Variants in ATAD3B observed in about 807,000 individuals in gnomAD.
ATAD3B encodes the protein ATPase family AAA domain containing 3B.
In ATAD3B, 59 loss-of-function variants were observed where a neutral mutation model predicts 70.2. That is an observed-to-expected ratio of 0.84 (90% confidence interval 0.68 to 1.04). The LOEUF (loss-of-function observed/expected upper bound fraction) is 1.04. Ranked by LOEUF, ATAD3B falls within the 50% of genes least tolerant of loss-of-function variation. The probability of loss-of-function intolerance (pLI) is 0.00; values close to 1 mark genes in which losing one functional copy is unlikely to be tolerated. For missense variants in ATAD3B, 961 were observed against 913.4 expected, an observed-to-expected ratio of 1.05 and a Z score of -0.67; for synonymous variants, 423 against 388.6, an observed-to-expected ratio of 1.09 and a Z score of -1.04.
rs1402606277 is a variant in ATAD3B, at chr1:1,491,121, GGGAC to G, written c.1614+451_1614+454del. Among the ~76,000 whole-genome samples the G allele has an allele frequency of 9.6e-3, 1,463 of 152,090 alleles. 14 individuals are homozygous for G. Among genetic ancestry groups the G allele is most frequent in the African/African-American group, 0.033 (1,389 of 41,520 alleles). ...TGTTTGACGGGTTCAGACACACGGT[GGGAC>G]TGGCCTCCGATTGTCCCACAGTTAG... is the stretch of plus-strand genomic sequence containing the variant. On this transcript the variant is annotated intron_variant, in intron 15 of 15. Transcript: ENST00000673477.
At chr1:1,489,796 TG>T in intron 13 of ATAD3B, 1 of 1,285,962 alleles carries the variant, frequency 7.8e-7, no homozygotes, top group South Asian at 1.3e-5. Context: ...CGACGCTCCC[TG>T]GAGCCCTGAC....
chr1:1,475,568 G>A lies in ATAD3B; in HGVS notation c.206-1706G>A, dbSNP rs548090991. On this transcript the variant is annotated intron_variant, in intron 1 of 15. Coordinates refer to ENST00000673477, the MANE Select transcript of ATAD3B (RefSeq NM_031921.6). Reference sequence around the variant, plus strand: ...TGAGGCTATAGCCCCATGCCGCCTCGTTCCCAGAGTCTGCCCTGACCCCTC... The same window carrying A: ...TGAGGCTATAGCCCCATGCCGCCTCATTCCCAGAGTCTGCCCTGACCCCTC... Among the ~76,000 whole-genome samples, 14 of 152,002 alleles carry A rather than the reference G, an allele frequency of 9.2e-5. No individual in the cohort carries two copies. The East Asian group carries it at 2.5e-3, about 27-fold the overall frequency.
At chr1:1,486,474 G>A in intron 10 of ATAD3B, 70 bp from the exon 11 acceptor site, 14 of 1,611,082 alleles carry the variant, frequency 8.7e-6, no homozygotes, top group East Asian at 2.2e-5. Flanking sequence ...CCACACTCCA[G>A]GTGGAGTGTG....
At position 1,496,921 on chromosome 1, in the gene ATAD3B, G is replaced by C. The variant is rs1233565233; in HGVS notation, c.*1104G>C. ...GAGGACTCTCAGACAGGAAACCTTT[G>C]CTTTGGGGGCAGGGTGGGGTGCAGG... On this transcript the variant is annotated 3_prime_UTR_variant, in exon 16 of 16. Transcript: ENST00000673477. The C allele has an allele frequency of 1.7e-4, 25 of 142,998 alleles. No individual in the cohort carries two copies. Among genetic ancestry groups the C allele is most frequent in the African/African-American group, 6.9e-4 (24 of 34,580 alleles). 8.9% of individuals were successfully genotyped at this position (142,998 alleles called of 1,614,324 possible). A position where few individuals can be genotyped will look rare whatever the true frequency, so the allele number is the denominator to read the frequency against.
At chr1:1,494,357 G>C (rs1215152549) in intron 15 of ATAD3B, among the ~76,000 whole-genome samples, 1 of 151,886 alleles carries the variant, frequency 6.6e-6, no homozygotes, top group Admixed American at 6.6e-5. Context: ...CCCTGCACCT[G>C]TTTGCCCTCT....
intron 1 of ATAD3B, among the ~76,000 whole-genome samples, chr1:1,475,276 C>G (rs1192805237): frequency 1.3e-5 from 2 of 151,162 alleles, no homozygotes; most frequent in South Asian, 2.1e-4. Flanking sequence ...TGGGCTCTTT[C>G]ATTTTGATCC....
At position 1,486,604 on chromosome 1, in the gene ATAD3B, A is replaced by G. The variant is rs776865693; in HGVS notation, c.1150A>G (p.Met384Val). The G allele has an allele frequency of 1.9e-6, 3 of 1,611,148 alleles. No homozygotes were observed. Among genetic ancestry groups the G allele is most frequent in the Non-Finnish European group, 2.5e-6 (3 of 1,179,260 alleles). ...AIMTGGDVAP[M>V]GREGVTAMHK... ...CATGACAGGCGGGGACGTGGCCCCC[A>G]TGGGGCGGGAAGGCGTGACCGCCAT... Residue 384 changes from methionine to valine, a missense_variant, in exon 11 of 16, where the codon ATG becomes GTG. Met to Val is a conservative substitution (Grantham distance 21). This residue lies in a region of ATAD3B where 349 missense variants were observed against 307.5 expected (regional missense o/e 1.14). Transcript: ENST00000673477.
rs1487376040 is a variant in ATAD3B at position 1,495,491 on chromosome 1, G to T, written c.1621G>T (p.Ala541Ser). ...CTCCCTCTCTCTTCACTAGGCCACG[G>T]CATATGCCTCCAAGGACGGGGTCCT... is the stretch of plus-strand genomic sequence containing the variant. ...AQLAVSWQAT[A>S]YASKDGVLTE... Residue 541 changes from alanine (A) to serine (S), a missense_variant, in exon 16 of 16, where the codon GCA (alanine) becomes TCA (serine). Coordinates refer to ENST00000673477, the MANE Select transcript of ATAD3B (RefSeq NM_031921.6). 1.2e-6 allele frequency: 2 copies of T among 1,605,924 alleles called. No individual in the cohort carries two copies. The highest frequency in any genetic ancestry group is 1.7e-4 in the Middle Eastern group (1 of 6,018).
chr1:1,496,030 G>C lies in ATAD3B; in HGVS notation c.*213G>C. 1.5e-6 allele frequency: 2 copies of C among 1,336,394 alleles called. No homozygotes were observed. Among genetic ancestry groups the C allele is most frequent in the Non-Finnish European group, 1.9e-6 (2 of 1,044,366 alleles). 82.8% of individuals were successfully genotyped at this position (1,336,394 alleles called of 1,614,324 possible). A position where few individuals can be genotyped will look rare whatever the true frequency, so the allele number is the denominator to read the frequency against. On this transcript the variant is annotated 3_prime_UTR_variant, in exon 16 of 16. Coordinates refer to ENST00000673477, the MANE Select transcript of ATAD3B (RefSeq NM_031921.6). ...GGCTCCCACAGCAGAGCCAGGTGAG[G>C]GGGGGCCTGCCAGGACTAGACAGAA...
At position 1,485,170 on chromosome 1, in the gene ATAD3B, A is replaced by G; in HGVS notation, c.905A>G (p.Gln302Arg). ...TVLEALRHPI[Q>R]VSRRLLSRPQ... ...CTGGAGGCGCTGCGGCACCCCATCC[A>G]GGTAGCGGCGCAGGCCTGGCCCTCC... The change falls in exon 8 of 16, where the codon CAG (glutamine) becomes CGG (arginine). Residue 302 changes from glutamine (Q) to arginine (R), a missense_variant and splice_region_variant. By Grantham distance (43) the Gln-to-Arg change is conservative. Coordinates refer to ENST00000673477, the MANE Select transcript of ATAD3B (RefSeq NM_031921.6). 2 of 1,610,014 alleles carry G rather than the reference A, an allele frequency of 1.2e-6. No individual in the cohort carries two copies. Among genetic ancestry groups the G allele is most frequent in the African/African-American group, 1.3e-5 (1 of 74,946 alleles).
chr1:1,505,220 G>T, the ATAD3B span, among the ~76,000 whole-genome samples: 1 of 152,100 alleles, frequency 6.6e-6, no homozygotes, highest in Non-Finnish European at 1.5e-5. Flanking sequence ...CGTGTCCACT[G>T]GACGGGGGCC....
At chr1:1,483,150 AG>A (rs1170923953) in intron 7 of ATAD3B, 2 of 404,708 alleles carry the variant, frequency 4.9e-6, no homozygotes, top group African/African-American at 2.1e-5. Flanking sequence ...AAAAAAGAAA[AG>A]AATTAGCTGG....
intron 10 of ATAD3B, 127 bp from the exon 11 acceptor site, chr1:1,486,417 C>T (rs1338233576): frequency 8.8e-6 from 14 of 1,599,844 alleles, no homozygotes; most frequent in Admixed American, 6.9e-5. Flanking sequence ...GGGACGTCTC[C>T]TGTCTGGCAG....
At chr1:1,500,619 G>A (rs1640922379), downstream of ATAD3B, among the ~76,000 whole-genome samples, 1 of 149,524 alleles carries the variant, frequency 6.7e-6, no homozygotes, top group Non-Finnish European at 1.5e-5. Flanking sequence ...ATATATATAT[G>A]TATAAATGTA....
In ATAD3B at chr1:1,488,935, G is replaced by C. The variant is rs112930365; in HGVS notation, c.1267-269G>C. ...GTGCCACCATGCATGGCTAATTTTT[G>C]TATTTCTAGTACAGATGGGGTCTCA... On this transcript the variant is annotated intron_variant, in intron 12 of 15. Coordinates refer to ENST00000673477, the MANE Select transcript of ATAD3B (RefSeq NM_031921.6). Among the ~76,000 whole-genome samples, 634 of 151,886 alleles carry C rather than the reference G, an allele frequency of 4.2e-3. 4 individuals are homozygous for C. Among genetic ancestry groups the C allele is most frequent in the African/African-American group, 0.015 (606 of 41,472 alleles).
downstream of ATAD3B, among the ~76,000 whole-genome samples, chr1:1,502,648 A>G (rs1640970478): frequency 6.7e-6 from 1 of 150,176 alleles, no homozygotes; most frequent in South Asian, 2.1e-4. Flanking sequence ...AGTAGCTGGG[A>G]CTACAGGCAC....
rs1486655653 is a variant in ATAD3B at position 1,480,187 on chromosome 1, C to T, written c.445-680C>T. On this transcript the variant is annotated intron_variant, in intron 4 of 15. Coordinates refer to ENST00000673477, the MANE Select transcript of ATAD3B (RefSeq NM_031921.6). Reference sequence around the variant, plus strand: ...CGCACCTGCACACGAGGGCACACCCCCACCCCCCACCCCCACACACCCCCG... The same window carrying T: ...CGCACCTGCACACGAGGGCACACCCTCACCCCCCACCCCCACACACCCCCG... Among the ~76,000 whole-genome samples, 2 of 118,050 alleles carry T rather than the reference C, an allele frequency of 1.7e-5. 1 individual carries two copies. Among genetic ancestry groups the T allele is most frequent in the African/African-American group, 6.6e-5 (2 of 30,178 alleles). 77.4% of individuals were successfully genotyped at this position (118,050 alleles called of 152,430 possible). A position where few individuals can be genotyped will look rare whatever the true frequency, so the allele number is the denominator to read the frequency against.
At chr1:1,484,416 C>T (rs1436095988) in intron 7 of ATAD3B, 3 of 152,428 alleles carry the variant, frequency 2.0e-5, no homozygotes, top group Non-Finnish European at 2.9e-5. Flanking sequence ...CTCCTGACCT[C>T]GTGATCCGCC....
chr1:1,493,202 G>GTGAT (rs753701413), intron 15 of ATAD3B, among the ~76,000 whole-genome samples: 1 of 151,946 alleles, frequency 6.6e-6, no homozygotes, highest in Non-Finnish European at 1.5e-5. Flanking sequence ...CTGAGAACAG[G>GTGAT]TGATTTTACC....
Sources: allele counts gnomAD v4.1 joint callset (sites outside exome capture counted in the v4.1 genomes callset), GRCh38; gene constraint gnomAD v4.1.1; regional missense constraint gnomAD v4.1.1; transcripts MANE v1.5; gene names NCBI Gene and HGNC (gene_info 2026-07-23, HGNC 2026-07-21).